HECW1: variants seen among roughly 807,000 people sequenced by gnomAD.
HECW1 encodes E3 ubiquitin-protein ligase HECW1.
A neutral mutation model predicts 182.3 loss-of-function variants in HECW1; 61 were observed. That is an observed-to-expected ratio of 0.33 (90% confidence interval 0.27 to 0.41). The LOEUF (loss-of-function observed/expected upper bound fraction) is 0.41. Ranked by LOEUF, HECW1 falls within the 10% of genes least tolerant of loss-of-function variation. The pLI is 1.00. For missense variants in HECW1, 1,739 were observed against 2,108.9 expected, an observed-to-expected ratio of 0.82 and a Z score of 3.44; for synonymous variants, 859 against 832.6, an observed-to-expected ratio of 1.03 and a Z score of -0.55.
chr7:43,237,014 T>G (rs1798412761), intron 2 of HECW1, among the ~76,000 whole-genome samples: 1 of 147,066 alleles, frequency 6.8e-6, no homozygotes, highest in Non-Finnish European at 1.5e-5. Flanking sequence ...CTATACCCAA[T>G]GATTAATTTC....
chr7:43,123,676 A>C (rs1218854381), intron 2 of HECW1, among the ~76,000 whole-genome samples: 1 of 152,146 alleles, frequency 6.6e-6, no homozygotes, highest in East Asian at 1.9e-4. Flanking sequence ...GGCTTGGTGC[A>C]CATAATTAGC....
rs34736444 is a variant in HECW1 at position 43,554,460 on chromosome 7, T to C, written c.4511-132T>C. 3,616 of 777,698 alleles carry C rather than the reference T, an allele frequency of 4.6e-3. 101 individuals carry two copies. In the African/African-American group the frequency reaches 0.056, roughly 12 times the overall value. 48.2% of individuals were successfully genotyped at this position (777,698 alleles called of 1,614,324 possible). The stretch of plus-strand genomic sequence containing the variant: ...TTGTTTTAGACCTCTCTAAAGGCCA[T>C]CACAAGAGAAATCAGATCAAAAGCA... On this transcript the variant is annotated intron_variant, in intron 28 of 29. Transcript: ENST00000395891.
At chr7:43,550,807 C>T (rs569874929) in intron 27 of HECW1, among the ~76,000 whole-genome samples, 1 of 152,280 alleles carries the variant, frequency 6.6e-6, no homozygotes, top group East Asian at 1.9e-4. Flanking sequence ...CTGGGAAACT[C>T]AACTCTTATG....
intron 2 of HECW1, among the ~76,000 whole-genome samples, chr7:43,131,217 A>T (rs576145698): frequency 1.3e-5 from 2 of 152,348 alleles, no homozygotes; most frequent in South Asian, 4.1e-4. Flanking sequence ...GTGAGCCGAG[A>T]TCTTGCCACT....
chr7:43,369,668 A>C (rs952595466), intron 6 of HECW1, among the ~76,000 whole-genome samples: 3 of 152,198 alleles, frequency 2.0e-5, no homozygotes, highest in African/African-American at 7.2e-5. Context: ...GAATCTTGAC[A>C]TGAATATATC....
At chr7:43,249,644 A>G (rs1799820182) in intron 3 of HECW1, among the ~76,000 whole-genome samples, 1 of 152,148 alleles carries the variant, frequency 6.6e-6, no homozygotes, top group African/African-American at 2.4e-5. Flanking sequence ...CTGCATAGCT[A>G]TTTTCTTCAG....
chr7:43,402,261 TA>T (rs1395089281), intron 7 of HECW1, among the ~76,000 whole-genome samples: 2 of 152,164 alleles, frequency 1.3e-5, no homozygotes, highest in East Asian at 3.9e-4. Context: ...AGGAGCACTG[TA>T]ACTCACCCAC....
At chr7:43,247,829 GGT>G (rs1799554259) in intron 3 of HECW1, among the ~76,000 whole-genome samples, 1 of 130,574 alleles carries the variant, frequency 7.7e-6, no homozygotes, top group African/African-American at 3.3e-5. Flanking sequence ...GAGAGAGAAA[GGT>G]AAGAAGGAAG....
intron 6 of HECW1, among the ~76,000 whole-genome samples, chr7:43,364,273 C>T (rs967721905): frequency 1.3e-5 from 2 of 152,022 alleles, no homozygotes; most frequent in African/African-American, 4.8e-5. Flanking sequence ...TGTCTTGTTC[C>T]CTCTCATCTT....
At chr7:43,258,122 C>T (rs1439090110) in intron 3 of HECW1, among the ~76,000 whole-genome samples, 1 of 151,974 alleles carries the variant, frequency 6.6e-6, no homozygotes, top group Non-Finnish European at 1.5e-5. Flanking sequence ...GGTGGATCAC[C>T]TGAGGTCATG....
chr7:43,429,289 CAT>C (rs57627873), intron 8 of HECW1, among the ~76,000 whole-genome samples: 2,795 of 105,500 alleles, frequency 0.026, 17 homozygotes, highest in Non-Finnish European at 0.033. Context: ...ATATTATATG[CAT>C]ATATATATAT....
At chr7:43,429,457 C>G (rs1470385417) in intron 8 of HECW1, among the ~76,000 whole-genome samples, 3 of 151,596 alleles carry the variant, frequency 2.0e-5, no homozygotes, top group African/African-American at 7.3e-5. Context: ...TCTCCCATGA[C>G]CAGACTCCAA....
intron 24 of HECW1, among the ~76,000 whole-genome samples, chr7:43,520,468 C>T (rs1473690029): frequency 1.3e-5 from 2 of 152,104 alleles, no homozygotes; most frequent in African/African-American, 4.8e-5. Flanking sequence ...CCCATATGTG[C>T]GCGATTGTTT....
chr7:43,341,773 A>G (rs1209200106), intron 5 of HECW1, among the ~76,000 whole-genome samples: 1 of 151,834 alleles, frequency 6.6e-6, no homozygotes, highest in African/African-American at 2.4e-5. Flanking sequence ...TTGGAAGTAC[A>G]AATCCAAGTT....
chr7:43,342,870 A>C (rs1584548393), intron 5 of HECW1, among the ~76,000 whole-genome samples: 1 of 38,704 alleles, frequency 2.6e-5, no homozygotes, highest in East Asian at 9.6e-4. Context: ...CTAAAGATAC[A>C]AAAAAATCAG....
At position 43,243,782 on chromosome 7, in the gene HECW1, G is replaced by A; in HGVS notation, c.-31-93G>A. 6.2e-6 allele frequency: 6 copies of A among 969,018 alleles called. No homozygotes were observed. The highest frequency in any genetic ancestry group is 3.5e-5 in the Admixed American group (2 of 57,238). The allele number at this position is 969,018 out of a possible 1,614,324, so 60.0% of individuals were successfully genotyped here. A position where few individuals can be genotyped will look rare whatever the true frequency, so the allele number is the denominator to read the frequency against. Reference sequence around the variant, plus strand: ...TGCCCAGGCCAGGTATCTTGGCGGGGGTGGGGGAAACAATGTTGTTTGTGT... The same window carrying A: ...TGCCCAGGCCAGGTATCTTGGCGGGAGTGGGGGAAACAATGTTGTTTGTGT... On this transcript the variant is annotated intron_variant, in intron 2 of 29. Coordinates refer to ENST00000395891, the MANE Select transcript of HECW1 (RefSeq NM_015052.5). This position sits in a 1 kb window ranked among gnomAD's most constrained non-coding sequence, Gnocchi z 4.0.
At chr7:43,185,514 G>A (rs980420133) in intron 2 of HECW1, among the ~76,000 whole-genome samples, 2 of 152,166 alleles carry the variant, frequency 1.3e-5, no homozygotes, top group Non-Finnish European at 2.9e-5. Flanking sequence ...CTATCTCCAG[G>A]TAGAGTGTCA....
intron 5 of HECW1, among the ~76,000 whole-genome samples, chr7:43,332,166 C>T (rs1325619852): frequency 6.6e-6 from 1 of 152,146 alleles, no homozygotes; most frequent in Non-Finnish European, 1.5e-5. Context: ...TTCATCTACA[C>T]AGATGTGGTA....
chr7:43,157,049 T>A (rs2107274), intron 2 of HECW1, among the ~76,000 whole-genome samples: 3 of 152,126 alleles, frequency 2.0e-5, no homozygotes, highest in South Asian at 2.1e-4. Context: ...TTCGCAAACC[T>A]GGGCTTTGTG....
Sources: allele counts gnomAD v4.1 joint callset (sites outside exome capture counted in the v4.1 genomes callset), GRCh38; gene constraint gnomAD v4.1.1; non-coding constraint Gnocchi (gnomAD v3.1); transcripts MANE v1.5; gene names NCBI Gene and HGNC (gene_info 2026-07-23, HGNC 2026-07-21).